The following MARCHF5 variants were observed in gnomAD, a reference collection of about 807,000 sequenced individuals.
The protein encoded by MARCHF5 is membrane associated ring-CH-type finger 5.
In MARCHF5, 5 loss-of-function variants were observed where a neutral mutation model predicts 36.5. That is an observed-to-expected ratio of 0.14 (90% CI 0.07 to 0.29). The LOEUF (loss-of-function observed/expected upper bound fraction) is 0.29, where lower values mean the gene tolerates loss of function less well. MARCHF5 is among the 10% of genes least tolerant of loss of function. MARCHF5 has a pLI of 1.00. For synonymous variants in MARCHF5, 103 were observed against 109.9 expected (o/e 0.94, Z 0.39); for missense variants, 179 against 336.3 (o/e 0.53, Z 3.66).
chr10:92,318,834 G>A (rs1843249626), intron 2 of MARCHF5, among the ~76,000 whole-genome samples: 1 of 151,736 alleles, frequency 6.6e-6, no homozygotes, highest in Non-Finnish European at 1.5e-5. Context: ...GGCCTCCCAA[G>A]TAGCTGGAAT....
At chr10:92,298,500 A>G (rs1391873273) in intron 1 of MARCHF5, among the ~76,000 whole-genome samples, 2 of 152,210 alleles carry the variant, frequency 1.3e-5, no homozygotes, top group Non-Finnish European at 2.9e-5. Context: ...TAAGCTACTT[A>G]TCTTGACTTC....
intron 2 of MARCHF5, among the ~76,000 whole-genome samples, chr10:92,316,359 C>T (rs1340722322): frequency 6.6e-5 from 10 of 152,158 alleles, no homozygotes; most frequent in Admixed American, 6.5e-4. Context: ...TTATCCTTCT[C>T]ACTGTTTGCC....
intron 2 of MARCHF5, among the ~76,000 whole-genome samples, chr10:92,318,825 G>C (rs1367981864): frequency 6.6e-6 from 1 of 151,892 alleles, no homozygotes; most frequent in Non-Finnish European, 1.5e-5. Context: ...TCCTGCCTCG[G>C]CCTCCCAAGT....
In MARCHF5 at chr10:92,291,446, C is replaced by A; in HGVS notation, c.-49C>A. ...TCAGTGCTATTGTCCCTGGGCCTGG[C>A]CTTGAGCGGGTCCACTGGGGAAGGC... On this transcript the variant is annotated 5_prime_UTR_variant, in exon 1 of 6. Transcript: ENST00000358935. 6.8e-7 allele frequency: 1 copy of A among 1,479,034 alleles called. No individual in the cohort carries two copies. 91.6% of individuals were successfully genotyped at this position (1,479,034 alleles called of 1,614,324 possible). A position where few individuals can be genotyped will look rare whatever the true frequency, so the allele number is the denominator to read the frequency against.
At chr10:92,311,427 T>C (rs1843143278) in intron 2 of MARCHF5, 90 bp downstream of exon 2, 1 of 847,290 alleles carries the variant, frequency 1.2e-6, no homozygotes, top group South Asian at 1.9e-5. Context: ...ACCTCTTTTT[T>C]TTAGGGTGTG....
At chr10:92,341,229 C>G (rs1333208820) in intron 3 of MARCHF5, among the ~76,000 whole-genome samples, 1 of 151,956 alleles carries the variant, frequency 6.6e-6, no homozygotes, top group East Asian at 1.9e-4. Flanking sequence ...ATGGTGAAAC[C>G]CCATCTCTAC....
At chr10:92,330,030 A>G (rs1458547562) in intron 2 of MARCHF5, among the ~76,000 whole-genome samples, 3 of 152,044 alleles carry the variant, frequency 2.0e-5, no homozygotes, top group South Asian at 4.1e-4. Context: ...TTTATTAGAG[A>G]CGGGGTTTCA....
At chr10:92,331,722 T>G (rs1302542250) in intron 2 of MARCHF5, among the ~76,000 whole-genome samples, 2 of 151,562 alleles carry the variant, frequency 1.3e-5, no homozygotes, top group Admixed American at 1.3e-4. Context: ...AAATTTAAAA[T>G]TTCCCTTGGC....
At chr10:92,338,030 A>G (rs1454326167) in intron 2 of MARCHF5, among the ~76,000 whole-genome samples, 1 of 150,846 alleles carries the variant, frequency 6.6e-6, no homozygotes, top group Non-Finnish European at 1.5e-5. Context: ...AAAAAATTTA[A>G]ATAAAGAAAA....
At chr10:92,347,069 C>T (rs949699124) in intron 3 of MARCHF5, among the ~76,000 whole-genome samples, 8 of 152,092 alleles carry the variant, frequency 5.3e-5, no homozygotes, top group African/African-American at 1.7e-4. Flanking sequence ...CTTAGCCAGA[C>T]GTGGTGGCAC....
chr10:92,298,637 C>T (rs539970209), intron 1 of MARCHF5, among the ~76,000 whole-genome samples: 29 of 152,268 alleles, frequency 1.9e-4, no homozygotes, highest in African/African-American at 7.0e-4. Flanking sequence ...AGTGGCCCAT[C>T]TCGGCTTACT....
chr10:92,319,901 CTT>C (rs1387354035), intron 2 of MARCHF5, among the ~76,000 whole-genome samples: 20 of 145,654 alleles, frequency 1.4e-4, no homozygotes, highest in South Asian at 8.6e-4. Flanking sequence ...ATCTGCCCGT[CTT>C]GGCCTCCCAA....
chr10:92,312,375 G>C (rs1360989808), intron 2 of MARCHF5, among the ~76,000 whole-genome samples: 2 of 152,184 alleles, frequency 1.3e-5, no homozygotes, highest in African/African-American at 4.8e-5. Flanking sequence ...TTCCTTTGAA[G>C]GGGAAGTAGT....
intron 1 of MARCHF5, chr10:92,308,346 G>A (rs2771253): frequency 0.32 from 49,229 of 152,054 alleles, 9,756 homozygotes; most frequent in South Asian, 0.56. Flanking sequence ...ACGACCAGGG[G>A]TCACTCGTGA....
intron 1 of MARCHF5, among the ~76,000 whole-genome samples, chr10:92,295,315 C>CTT (rs1275571839): frequency 8.0e-5 from 1 of 12,452 alleles, no homozygotes; most frequent in African/African-American, 2.0e-4. Flanking sequence ...GGCAACTTTT[C>CTT]TTTTTTTTTT....
intron 3 of MARCHF5, among the ~76,000 whole-genome samples, chr10:92,345,795 G>T (rs1261702268): frequency 6.7e-6 from 1 of 149,400 alleles, no homozygotes; most frequent in Non-Finnish European, 1.5e-5. Flanking sequence ...CCTGGGCTCA[G>T]GTGATCCTCC....
chr10:92,317,777 G>A (rs1415802717), intron 2 of MARCHF5, among the ~76,000 whole-genome samples: 2 of 146,982 alleles, frequency 1.4e-5, no homozygotes, highest in Non-Finnish European at 3.0e-5. Context: ...TTGAGGCACA[G>A]TCTCGCTCTG....
chr10:92,326,095 T>C lies in MARCHF5; in HGVS notation c.239-14578T>C, dbSNP rs187302855. 5.3e-5 allele frequency among the ~76,000 whole-genome samples: 8 copies of C among 152,286 alleles called. No individual in the cohort carries two copies. The East Asian group carries it at 1.5e-3, about 29-fold the overall frequency. On this transcript the variant is annotated intron_variant, in intron 2 of 5. Coordinates refer to ENST00000358935, the MANE Select transcript of MARCHF5 (RefSeq NM_017824.5). ...CAAATGTTAAGTGGAGTGTAAATGC[T>C]TAGAAGGGAAAGATTTTCACTAGGG...
intron 2 of MARCHF5, among the ~76,000 whole-genome samples, chr10:92,312,172 G>T (rs1358447609): frequency 6.6e-6 from 1 of 152,052 alleles, no homozygotes; most frequent in Non-Finnish European, 1.5e-5. Context: ...AGGAAAAATT[G>T]GAAATAATTA....
Sources: gnomAD v4.1 joint callset for allele counts (sites outside exome capture counted in the v4.1 genomes callset) on GRCh38, gnomAD v4.1.1 for gene constraint, MANE v1.5 for transcripts, NCBI Gene and HGNC (gene_info 2026-07-23, HGNC 2026-07-21) for gene names.